Variants in KATNIP observed in about 807,000 individuals in gnomAD.
KATNIP encodes katanin interacting protein.
In KATNIP, 126 loss-of-function variants were observed where a neutral mutation model predicts 174.0. The observed-to-expected ratio is 0.72, with a 90% CI of 0.63 to 0.84. KATNIP has a LOEUF of 0.84. Ranked by LOEUF, KATNIP falls within the 40% of genes least tolerant of loss-of-function variation. KATNIP has a pLI of 0.00. For synonymous variants in KATNIP, 810 were observed against 835.7 expected, an observed-to-expected ratio of 0.97 and a Z score of 0.53; for missense variants, 1,958 against 2,109.7, an observed-to-expected ratio of 0.93 and a Z score of 1.41.
chr16:27,559,187 G>C (rs1209357563), intron 1 of KATNIP, among the ~76,000 whole-genome samples: 1 of 152,150 alleles, frequency 6.6e-6, no homozygotes, highest in Non-Finnish European at 1.5e-5. Context: ...AAGTAAGAAA[G>C]TGTGACTACT....
chr16:27,591,719 T>G (rs2075172886), intron 2 of KATNIP, among the ~76,000 whole-genome samples: 1 of 152,222 alleles, frequency 6.6e-6, no homozygotes, highest in Non-Finnish European at 1.5e-5. Context: ...TTCATCTGTC[T>G]TAGTCTGAGC....
At chr16:27,721,732 G>A (rs770451907) in intron 14 of KATNIP, 37 bp downstream of exon 14, 1 of 1,604,796 alleles carries the variant, frequency 6.2e-7, no homozygotes, top group Non-Finnish European at 8.5e-7. Flanking sequence ...TGGGCACTGG[G>A]TTGATGGAAG....
intron 5 of KATNIP, chr16:27,644,597 C>T (rs551660288): frequency 6.6e-6 from 1 of 152,384 alleles, no homozygotes; most frequent in South Asian, 2.1e-4. Flanking sequence ...CCTCGAACTC[C>T]TAGGCTCAAG....
chr16:27,733,832 G>A lies in KATNIP; in HGVS notation c.1744-6209G>A, dbSNP rs28687774. 2.0e-4 allele frequency among the ~76,000 whole-genome samples: 31 copies of A among 152,086 alleles called. 1 individual carries two copies. Among genetic ancestry groups the A allele is most frequent in the Non-Finnish European group, 4.1e-4 (28 of 68,024 alleles). ...TTATACAGAGCTGCACTGAGGGGGC[G>A]CAGAGGAATCCAGACTCGCAGAATC... is the stretch of plus-strand genomic sequence containing the variant. On this transcript the variant is annotated intron_variant, in intron 14 of 27. Coordinates refer to ENST00000261588, the MANE Select transcript of KATNIP (RefSeq NM_015202.5).
At chr16:27,702,886 G>A (rs900482445) in intron 11 of KATNIP, among the ~76,000 whole-genome samples, 8 of 152,322 alleles carry the variant, frequency 5.3e-5, no homozygotes, top group African/African-American at 1.4e-4. Context: ...TGAAAAGGCC[G>A]CCCGGTGCAG....
intron 3 of KATNIP, among the ~76,000 whole-genome samples, chr16:27,622,581 G>C (rs2076228421): frequency 6.6e-6 from 1 of 152,160 alleles, no homozygotes; most frequent in Non-Finnish European, 1.5e-5. Context: ...AGACTGCAGG[G>C]GGTAGACCCA....
intron 2 of KATNIP, among the ~76,000 whole-genome samples, chr16:27,593,952 T>C (rs918754807): frequency 1.3e-5 from 2 of 152,118 alleles, no homozygotes; most frequent in African/African-American, 2.4e-5. Context: ...TGCTGTGACC[T>C]TGTGGCTGAT....
chr16:27,672,118 AC>A (rs1175800968), intron 6 of KATNIP, among the ~76,000 whole-genome samples: 1 of 151,832 alleles, frequency 6.6e-6, no homozygotes, highest in East Asian at 1.9e-4. Flanking sequence ...TCTGCCTAGC[AC>A]CCTTCAGCAG....
At chr16:27,747,405 A>G (rs1219718150) in intron 15 of KATNIP, among the ~76,000 whole-genome samples, 1 of 151,876 alleles carries the variant, frequency 6.6e-6, no homozygotes, top group Non-Finnish European at 1.5e-5. Context: ...GACTTTAGGC[A>G]CAGCTGGATC....
At chr16:27,724,719 T>A (rs1206663164) in intron 14 of KATNIP, among the ~76,000 whole-genome samples, 2 of 152,234 alleles carry the variant, frequency 1.3e-5, no homozygotes, top group Admixed American at 1.3e-4. Flanking sequence ...CAGGTTGGTT[T>A]GATTTAATAT....
intron 10 of KATNIP, among the ~76,000 whole-genome samples, chr16:27,700,996 C>T (rs1429533662): frequency 2.6e-5 from 4 of 152,026 alleles, no homozygotes; most frequent in Non-Finnish European, 5.9e-5. Context: ...AGATGGACAG[C>T]AGGGCACATT....
At position 27,771,710 on chromosome 16, in the gene KATNIP, C is replaced by G. The variant is rs778744446; in HGVS notation, c.4198+58C>G. 4 of 1,553,806 alleles carry G rather than the reference C, an allele frequency of 2.6e-6. No homozygotes were observed. The African/African-American group carries it at 5.4e-5, about 21-fold the overall frequency. ...CTGGGCCCCGAGGCAGCGCCTGGGC[C>G]GCAACTGCCCAGCCAGGGTTTCAGG... On this transcript the variant is annotated intron_variant, in intron 22 of 27. Transcript: ENST00000261588.
chr16:27,701,300 A>G (rs1029953699), intron 10 of KATNIP: 2 of 249,384 alleles, frequency 8.0e-6, no homozygotes, highest in South Asian at 6.9e-5. Context: ...TACAGTTACA[A>G]GCATGAACCA....
chr16:27,561,517 C>T (rs145036460), intron 1 of KATNIP, among the ~76,000 whole-genome samples: 87 of 152,306 alleles, frequency 5.7e-4, no homozygotes, highest in African/African-American at 2.0e-3. Context: ...TCAGAGCCCA[C>T]TGCTACCTTG....
intron 5 of KATNIP, among the ~76,000 whole-genome samples, chr16:27,642,954 A>G (rs970578349): frequency 6.6e-6 from 1 of 152,080 alleles, no homozygotes; most frequent in African/African-American, 2.4e-5. Context: ...GGGGCAGTAC[A>G]GCATGGTGAT....
chr16:27,592,594 G>A (rs1237684301), intron 2 of KATNIP, among the ~76,000 whole-genome samples: 1 of 151,958 alleles, frequency 6.6e-6, no homozygotes, highest in Non-Finnish European at 1.5e-5. Flanking sequence ...CTCCACCCAG[G>A]GCAATAGAGT....
chr16:27,629,027 G>C (rs2076412204), intron 4 of KATNIP, among the ~76,000 whole-genome samples, 197 bp downstream of exon 4: 3 of 151,984 alleles, frequency 2.0e-5, no homozygotes, highest in African/African-American at 7.3e-5. Flanking sequence ...AATTAGCCAG[G>C]CATGATGGCA....
rs752271816 is a variant in KATNIP, at chr16:27,761,525, C to T, written c.3744C>T (p.Ile1248=). ...CGCTGCCCATCCACCTGCACCAGAT[C>T]TCTGCTTCCCCCAGAGACTTAAATG... ...GQALPIHLHQ[I]SASPRDLNEL... is the part of the protein sequence containing the mutation. Residue 1248 remains isoleucine, a synonymous_variant, in exon 19 of 28, where the codon ATC becomes ATT. Coordinates refer to ENST00000261588, the MANE Select transcript of KATNIP (RefSeq NM_015202.5). The T allele has an allele frequency of 6.2e-7, 1 of 1,614,154 alleles. No homozygotes were observed.
intron 5 of KATNIP, among the ~76,000 whole-genome samples, chr16:27,638,835 A>ATT (rs35773237): frequency 0.075 from 8,265 of 110,710 alleles, 595 homozygotes; most frequent in Non-Finnish European, 0.1. Context: ...GTCTTGCTGG[A>ATT]TTTTTTTTTT....
Sources: gnomAD v4.1 joint callset for allele counts (sites outside exome capture counted in the v4.1 genomes callset) on GRCh38, gnomAD v4.1.1 for gene constraint, MANE v1.5 for transcripts, NCBI Gene and HGNC (gene_info 2026-07-23, HGNC 2026-07-21) for gene names.